Variants in MLLT10 observed in about 807,000 individuals in gnomAD.
MLLT10 encodes protein AF-10.
MLLT10 carries 30 observed loss-of-function variants against 129.1 expected under a neutral mutation model. That is an observed-to-expected ratio of 0.23 (90% CI 0.17 to 0.32). The LOEUF is 0.32. Among genes scored for constraint, MLLT10 ranks in the 10% least tolerant of loss-of-function variants. The pLI is 1.00. For synonymous variants in MLLT10, 490 were observed against 446.4 expected, an observed-to-expected ratio of 1.10 and a Z score of -1.23; for missense variants, 1,119 against 1,268.3, an observed-to-expected ratio of 0.88 and a Z score of 1.79.
chr10:21,586,746 G>T (rs1198716801), intron 4 of MLLT10, among the ~76,000 whole-genome samples: 1 of 152,002 alleles, frequency 6.6e-6, no homozygotes, highest in Non-Finnish European at 1.5e-5. Flanking sequence ...AATTAGCCAG[G>T]TGTGGTGGTG....
chr10:21,601,093 A>G (rs576804339), intron 5 of MLLT10, among the ~76,000 whole-genome samples: 1 of 152,024 alleles, frequency 6.6e-6, no homozygotes, highest in South Asian at 2.1e-4. Flanking sequence ...ACAGGCATGC[A>G]CCATCATGTC....
chr10:21,671,475 C>G (rs2051397848), intron 10 of MLLT10, among the ~76,000 whole-genome samples: 1 of 152,096 alleles, frequency 6.6e-6, no homozygotes, highest in Admixed American at 6.5e-5. Context: ...GACCTCATCT[C>G]TACAAAAAAT....
At chr10:21,689,565 G>GTGTATA (rs1254669195) in intron 13 of MLLT10, among the ~76,000 whole-genome samples, 6 of 113,456 alleles carry the variant, frequency 5.3e-5, no homozygotes, top group East Asian at 2.7e-4. Context: ...ATATATATAT[G>GTGTATA]TATATATATA....
intron 11 of MLLT10, among the ~76,000 whole-genome samples, chr10:21,677,050 G>C (rs187757957): frequency 2.0e-5 from 3 of 152,260 alleles, no homozygotes; most frequent in Admixed American, 6.5e-5. Context: ...TCATTATATA[G>C]GACAAGAAAC....
rs777522194 is a variant in MLLT10 at position 21,726,406 on chromosome 10, AT to A, written c.1990+58del. 3.8e-6 allele frequency: 5 copies of A among 1,301,450 alleles called. No homozygotes were observed. The South Asian group carries it at 3.9e-5, about 10-fold the overall frequency. 80.6% of individuals were successfully genotyped at this position (1,301,450 alleles called of 1,614,324 possible). On this transcript the variant is annotated intron_variant, in intron 15 of 22. Transcript: ENST00000307729. ...TAAAACCCTACTCTCACCTACTTTA[AT>A]TTTTTTCCCCTTTTGGTTCATTTTA... is the stretch of plus-strand genomic sequence containing the variant.
rs987993209 is a variant in MLLT10, at chr10:21,625,854, T to C, written c.699+8647T>C. The C allele has an allele frequency of 4.0e-5, 31 of 777,856 alleles. No homozygotes were observed. The African/African-American group carries it at 5.3e-4, about 13-fold the overall frequency. The allele number at this position is 777,856 out of a possible 1,614,324, so 48.2% of individuals were successfully genotyped here. A position where few individuals can be genotyped will look rare whatever the true frequency, so the allele number is the denominator to read the frequency against. ...TTCTGACCAGACAGTGGATCTATGA[T>C]AAGACGTAGATCCCAAATGGGACTG... is the stretch of plus-strand genomic sequence containing the variant. On this transcript the variant is annotated intron_variant, in intron 8 of 22. Coordinates refer to ENST00000307729, the MANE Select transcript of MLLT10 (RefSeq NM_001195626.3).
intron 13 of MLLT10, among the ~76,000 whole-genome samples, chr10:21,695,061 C>CTTTTTTTTTTTTTTTTTTT (rs71393922): frequency 1.9e-5 from 2 of 104,034 alleles, no homozygotes. Flanking sequence ...TTTCTACCTT[C>CTTTTTTTTTTTTTTTTTTT]TTTTTTTTTT....
chr10:21,659,161 T>A (rs114111189), intron 9 of MLLT10, among the ~76,000 whole-genome samples: 2,910 of 152,316 alleles, frequency 0.019, 88 homozygotes, highest in African/African-American at 0.066. Flanking sequence ...TATATTTTCA[T>A]TCTTTTAATC....
At chr10:21,577,936 C>T (rs2040963302) in intron 3 of MLLT10, among the ~76,000 whole-genome samples, 1 of 151,866 alleles carries the variant, frequency 6.6e-6, no homozygotes, top group Non-Finnish European at 1.5e-5. Context: ...CTCTGTTGTT[C>T]AGGCTGGAGT....
At chr10:21,726,850 C>T (rs755457533) in intron 15 of MLLT10, among the ~76,000 whole-genome samples, 1 of 151,944 alleles carries the variant, frequency 6.6e-6, no homozygotes, top group Non-Finnish European at 1.5e-5. Flanking sequence ...TGTGAATAGC[C>T]TAAACCTTTA....
At chr10:21,670,152 A>G (rs1299357009) in intron 9 of MLLT10, among the ~76,000 whole-genome samples, 2 of 152,182 alleles carry the variant, frequency 1.3e-5, no homozygotes, top group Non-Finnish European at 1.5e-5. Context: ...TATCTTCAGT[A>G]TTACTGTGTC....
At chr10:21,613,575 A>G (rs2044889168) in intron 6 of MLLT10, among the ~76,000 whole-genome samples, 2 of 152,214 alleles carry the variant, frequency 1.3e-5, no homozygotes, top group Admixed American at 6.5e-5. Flanking sequence ...AATTGAAAAG[A>G]TGGTGATTAG....
intron 3 of MLLT10, among the ~76,000 whole-genome samples, chr10:21,578,059 C>T (rs1247829143): frequency 4.0e-5 from 6 of 151,878 alleles, no homozygotes; most frequent in Admixed American, 1.3e-4. Flanking sequence ...TCACGCTTGG[C>T]TAATTTTGTA....
At chr10:21,672,843 T>G (rs1433158633) in intron 10 of MLLT10, among the ~76,000 whole-genome samples, 2 of 152,296 alleles carry the variant, frequency 1.3e-5, no homozygotes, top group East Asian at 3.9e-4. Context: ...ACTCATAACC[T>G]AGGAAACTTC....
At chr10:21,602,825 G>T (rs1038467374) in intron 5 of MLLT10, among the ~76,000 whole-genome samples, 8 of 151,594 alleles carry the variant, frequency 5.3e-5, no homozygotes, top group Admixed American at 3.3e-4. Context: ...ACCTCCCAGG[G>T]TTCACACCAT....
chr10:21,589,502 A>G (rs1473596784), intron 4 of MLLT10, among the ~76,000 whole-genome samples: 1 of 152,018 alleles, frequency 6.6e-6, no homozygotes, highest in Non-Finnish European at 1.5e-5. Context: ...TAAACCTTCC[A>G]TCTTATTAAA....
chr10:21,595,545 T>A, intron 5 of MLLT10, 105 bp downstream of exon 5: 1 of 831,432 alleles, frequency 1.2e-6, no homozygotes, highest in African/African-American at 1.7e-5. Context: ...TCCAGGGAGA[T>A]TTGGAAAAAA....
chr10:21,570,212 T>TTGTG (rs528760884), intron 3 of MLLT10, among the ~76,000 whole-genome samples: 2,855 of 147,916 alleles, frequency 0.019, 37 homozygotes, highest in South Asian at 0.043. Flanking sequence ...CCAGGCCAAT[T>TTGTG]TGTGTGTGTG....
intron 10 of MLLT10, chr10:21,670,967 T>C (rs556473474): frequency 3.0e-6 from 1 of 333,306 alleles, no homozygotes; most frequent in Non-Finnish European, 5.4e-6. Context: ...TATGGAATAA[T>C]GCTTAAAATT....
Sources: allele counts gnomAD v4.1 joint callset (sites outside exome capture counted in the v4.1 genomes callset), GRCh38; gene constraint gnomAD v4.1.1; transcripts MANE v1.5; gene names NCBI Gene and HGNC (gene_info 2026-07-23, HGNC 2026-07-21).